Variants in MMP17 observed in about 807,000 individuals in gnomAD.
MMP17 encodes matrix metallopeptidase 17, also known as matrix metalloproteinase-17.
Under a neutral mutation model 49.1 loss-of-function variants are expected in MMP17, and 54 were observed. The observed-to-expected ratio is 1.10, with a 90% CI of 0.88 to 1.38. MMP17 has a LOEUF of 1.38. MMP17 is among the 40% of genes most tolerant of loss of function. MMP17 has a pLI of 0.00. For synonymous variants in MMP17, 397 were observed against 383.1 expected, an observed-to-expected ratio of 1.04 and a Z score of -0.42; for missense variants, 837 against 853.7, an observed-to-expected ratio of 0.98 and a Z score of 0.24.
chr12:131,839,023 G>T (rs1013080565), intron 3 of MMP17, among the ~76,000 whole-genome samples: 4 of 152,206 alleles, frequency 2.6e-5, no homozygotes, highest in African/African-American at 9.7e-5. Flanking sequence ...CCACAAACCA[G>T]GGTACTTCAG....
intron 4 of MMP17, 93 bp downstream of exon 4, chr12:131,840,949 G>T: frequency 7.2e-7 from 1 of 1,391,076 alleles, no homozygotes; most frequent in Non-Finnish European, 9.5e-7. Flanking sequence ...CCAACCCTGC[G>T]GCTGAAAACA....
chr12:131,830,906 G>A (rs1352093250), intron 1 of MMP17, among the ~76,000 whole-genome samples: 1 of 152,208 alleles, frequency 6.6e-6, no homozygotes, highest in Non-Finnish European at 1.5e-5. Flanking sequence ...TTGTCCTTGT[G>A]GGCCTGAGTT....
chr12:131,838,143 G>A, intron 1 of MMP17, 52 bp from the exon 2 acceptor site: 1 of 1,553,624 alleles, frequency 6.4e-7, no homozygotes, highest in Non-Finnish European at 8.7e-7. Flanking sequence ...GCTTCTCACT[G>A]GGTAGGACCG....
intron 8 of MMP17, 36 bp from the exon 9 acceptor site, chr12:131,849,766 C>G: frequency 6.3e-7 from 1 of 1,585,600 alleles, no homozygotes; most frequent in Non-Finnish European, 8.6e-7. Context: ...GGGGTGGGGC[C>G]GAGCCCCGGC....
intron 9 of MMP17, among the ~76,000 whole-genome samples, 190 bp from the exon 10 acceptor site, chr12:131,850,735 C>T (rs918451046): frequency 6.6e-6 from 1 of 151,810 alleles, no homozygotes; most frequent in Non-Finnish European, 1.5e-5. Context: ...CCATCTAGCA[C>T]GAGCCGCCCC....
chr12:131,837,189 G>A (rs1887126702), intron 1 of MMP17, among the ~76,000 whole-genome samples: 1 of 152,226 alleles, frequency 6.6e-6, no homozygotes, highest in Admixed American at 6.5e-5. Context: ...TCACCAGCCT[G>A]CCAAGGACTC....
chr12:131,838,536 C>T (rs1001388640), intron 2 of MMP17, 76 bp from the exon 3 acceptor site: 36 of 1,526,990 alleles, frequency 2.4e-5, no homozygotes, highest in Admixed American at 8.2e-5. Context: ...TCAGGGCTCC[C>T]ACCCTTGCGG....
At chr12:131,837,305 T>C (rs1040474352) in intron 1 of MMP17, among the ~76,000 whole-genome samples, 2 of 152,236 alleles carry the variant, frequency 1.3e-5, no homozygotes, top group African/African-American at 4.8e-5. Context: ...CTGGCTTTTG[T>C]TTCTGAGACA....
In MMP17 at chr12:131,840,857, G is replaced by T; in HGVS notation, c.706+1G>T. The T allele has an allele frequency of 1.3e-6, 2 of 1,591,684 alleles. No individual in the cohort carries two copies. Among genetic ancestry groups the T allele is most frequent in the Non-Finnish European group, 8.5e-7 (1 of 1,170,226 alleles). On this transcript the variant is annotated splice_donor_variant, in intron 4 of 9. Transcript: ENST00000360564. LOFTEE classifies it high-confidence loss of function. Reference sequence around the variant, plus strand: ...GAGGCCTGGACCTTCCGCTCCTCGGGTGCGTCTGGGGCAGCCCTCAGGGCA... The same window carrying T: ...GAGGCCTGGACCTTCCGCTCCTCGGTTGCGTCTGGGGCAGCCCTCAGGGCA...
chr12:131,836,676 GA>G (rs34111977), intron 1 of MMP17, among the ~76,000 whole-genome samples: 101,262 of 147,988 alleles, frequency 0.68, 34,688 homozygotes, highest in African/African-American at 0.75. Context: ...AATGTCCAGA[GA>G]AAAAAAAAAA....
chr12:131,840,473 TA>T (rs1214070307), intron 3 of MMP17, 99 bp from the exon 4 acceptor site: 8 of 1,327,186 alleles, frequency 6.0e-6, no homozygotes, highest in East Asian at 2.3e-5. Flanking sequence ...GAGACCCTCA[TA>T]GGGGCACCCC....
At chr12:131,845,069 C>G in intron 6 of MMP17, 49 bp from the exon 7 acceptor site, 2 of 1,488,536 alleles carry the variant, frequency 1.3e-6, no homozygotes, top group East Asian at 6.1e-5. Flanking sequence ...TGCCCTGTCC[C>G]GCGCTGCCCA....
intron 4 of MMP17, 32 bp from the exon 5 acceptor site, chr12:131,841,592 C>T (rs980252213): frequency 6.2e-7 from 1 of 1,612,706 alleles, no homozygotes. Context: ...GCCCTTCTTG[C>T]CCTTAGTTCA....
At chr12:131,829,441 C>T (rs570709629) in intron 1 of MMP17, among the ~76,000 whole-genome samples, 1 of 152,228 alleles carries the variant, frequency 6.6e-6, no homozygotes, top group Admixed American at 6.5e-5. Flanking sequence ...TTAGAGCACA[C>T]GTCGTGGGGT....
chr12:131,835,322 G>A (rs752781453), intron 1 of MMP17, among the ~76,000 whole-genome samples: 31 of 152,246 alleles, frequency 2.0e-4, no homozygotes, highest in Non-Finnish European at 4.4e-4. Flanking sequence ...CCGGGCTGGT[G>A]CTGGGGCCCT....
At chr12:131,845,503 A>G (rs12099616) in intron 8 of MMP17, 54 bp downstream of exon 8, 100,786 of 1,513,438 alleles carry the variant, frequency 0.067, 4,580 homozygotes, top group South Asian at 0.21. Flanking sequence ...TGTCCGCCTC[A>G]TGGAGGGACG....
rs1398646823 is a variant in MMP17, at chr12:131,828,559, C to CGCTGCTGCA, written c.70_71insTGCAGCTGC (p.Leu23_Pro24insLeuGlnLeu). The CGCTGCTGCA allele has an allele frequency of 1.1e-6, 1 of 951,064 alleles. No individual in the cohort carries two copies. The highest frequency in any genetic ancestry group is 1.2e-6 in the Non-Finnish European group (1 of 801,484). 58.9% of individuals were successfully genotyped at this position (951,064 alleles called of 1,614,324 possible). Reference sequence around the variant, plus strand: ...CCAGGGCCCGGACTCTCGCGGCTGCCGCTGCCGCTGCTGCTGCTGCTGGCG... The same window carrying CGCTGCTGCA: ...CCAGGGCCCGGACTCTCGCGGCTGCCGCTGCTGCAGCTGCCGCTGCTGCTGCTGCTGGCG... On this transcript the variant is annotated inframe_insertion, in exon 1 of 10. Transcript: ENST00000360564.
At chr12:131,839,016 C>T (rs1887243711) in intron 3 of MMP17, among the ~76,000 whole-genome samples, 3 of 152,190 alleles carry the variant, frequency 2.0e-5, no homozygotes, top group Admixed American at 1.3e-4. Flanking sequence ...TAGATATCCA[C>T]AAACCAGGGT....
At chr12:131,838,477 C>G in intron 2 of MMP17, 135 bp from the exon 3 acceptor site, 3 of 1,453,166 alleles carry the variant, frequency 2.1e-6, no homozygotes, top group Non-Finnish European at 2.7e-6. Context: ...GGGCTGGTCC[C>G]CCAAAGATGA....
Sources: allele counts gnomAD v4.1 joint callset (sites outside exome capture counted in the v4.1 genomes callset), GRCh38; gene constraint gnomAD v4.1.1; transcripts MANE v1.5; gene names NCBI Gene and HGNC (gene_info 2026-07-23, HGNC 2026-07-21).